The following CRYBG1 variants were observed in gnomAD, a reference collection of about 807,000 sequenced individuals.
The protein encoded by CRYBG1 is beta/gamma crystallin domain-containing protein 1.
CRYBG1 carries 139 observed loss-of-function variants against 189.2 expected under a neutral mutation model. The observed-to-expected ratio is 0.73, with a 90% confidence interval of 0.64 to 0.85. The LOEUF is 0.85. Among genes scored for constraint, CRYBG1 ranks in the 40% least tolerant of loss-of-function variants. CRYBG1 has a pLI of 0.00. For missense variants in CRYBG1, 2,611 were observed against 2,675.8 expected (o/e 0.98, Z 0.53); for synonymous variants, 1,023 against 1,017.1 (o/e 1.01, Z -0.11).
At chr6:106,517,471 CACAT>C (rs1478076574) in intron 3 of CRYBG1, among the ~76,000 whole-genome samples, 12 of 145,140 alleles carry the variant, frequency 8.3e-5, no homozygotes, top group African/African-American at 2.8e-4. Flanking sequence ...TATACACACA[CACAT>C]ATATATATAC....
chr6:106,560,872 T>A lies in CRYBG1; in HGVS notation c.5925T>A (p.Asn1975Lys). 1.2e-6 allele frequency: 2 copies of A among 1,613,040 alleles called. No homozygotes were observed. Among genetic ancestry groups the A allele is most frequent in the East Asian group, 4.5e-5 (2 of 44,794 alleles). ...TATTGTCACCTGCAGAAGTACCTAA[T>A]TGGTATGAATTCAGTGGCTGTCGCC... is the stretch of plus-strand genomic sequence containing the variant. ...QFLLSPAEVP[N>K]WYEFSGCRQI... The change falls in exon 19 of 22, where the codon AAT becomes AAA. Residue 1975 changes from asparagine (N) to lysine (K), a missense_variant. Transcript: ENST00000633556.
At chr6:106,416,548 T>C (rs1170659172) in intron 1 of CRYBG1, among the ~76,000 whole-genome samples, 1 of 152,242 alleles carries the variant, frequency 6.6e-6, no homozygotes, top group African/African-American at 2.4e-5. Context: ...GCACAGATTT[T>C]TCCGATATCT....
At chr6:106,362,391 T>C (rs1361228402) in intron 1 of CRYBG1, among the ~76,000 whole-genome samples, 1 of 152,208 alleles carries the variant, frequency 6.6e-6, no homozygotes, top group Non-Finnish European at 1.5e-5. Context: ...GGAATAATTG[T>C]GTCATCAAAG....
In CRYBG1 at chr6:106,438,166, C is replaced by T. The variant is rs575838625; in HGVS notation, c.174-13528C>T. Among the ~76,000 whole-genome samples the T allele has an allele frequency of 3.3e-5, 5 of 152,330 alleles. No individual in the cohort carries two copies. In the South Asian group the frequency reaches 1.0e-3, roughly 32 times the overall value. The stretch of plus-strand genomic sequence containing the variant: ...CTGGAAGAGACTGGCACATGCCAAG[C>T]CTCATTTAAAAACTACTCTGAAGGC... On this transcript the variant is annotated intron_variant, in intron 1 of 21. Coordinates refer to ENST00000633556, the MANE Select transcript of CRYBG1 (RefSeq NM_001371242.2).
intron 2 of CRYBG1, among the ~76,000 whole-genome samples, chr6:106,497,021 C>G (rs1465358737): frequency 1.3e-5 from 2 of 152,156 alleles, no homozygotes; most frequent in African/African-American, 4.8e-5. Flanking sequence ...GCATCTGAGG[C>G]TCCCGCTGCC....
At chr6:106,403,821 A>C (rs950568451) in intron 1 of CRYBG1, among the ~76,000 whole-genome samples, 8 of 152,222 alleles carry the variant, frequency 5.3e-5, no homozygotes, top group Middle Eastern at 3.2e-3. Context: ...TGCCTAAAAT[A>C]ATTAAAAATA....
At chr6:106,515,209 A>G (rs1464722236) in intron 3 of CRYBG1, among the ~76,000 whole-genome samples, 2 of 152,252 alleles carry the variant, frequency 1.3e-5, no homozygotes, top group Non-Finnish European at 2.9e-5. Flanking sequence ...CTCTTATAAT[A>G]TAACTATGGC....
intron 2 of CRYBG1, among the ~76,000 whole-genome samples, chr6:106,460,181 C>T (rs1233426163): frequency 3.3e-5 from 5 of 151,692 alleles, no homozygotes; most frequent in African/African-American, 9.7e-5. Flanking sequence ...TTAGTAGAGA[C>T]GGGGTTTCAC....
At chr6:106,537,302 T>G (rs1774027709) in intron 8 of CRYBG1, among the ~76,000 whole-genome samples, 1 of 152,140 alleles carries the variant, frequency 6.6e-6, no homozygotes, top group Non-Finnish European at 1.5e-5. Context: ...TTTTGAAAAA[T>G]TAAACCTGTT....
At chr6:106,551,405 A>G (rs1411180862) in intron 13 of CRYBG1, among the ~76,000 whole-genome samples, 1 of 152,232 alleles carries the variant, frequency 6.6e-6, no homozygotes, top group Non-Finnish European at 1.5e-5. Context: ...TTCTCTATCC[A>G]ATCCACCATT....
At chr6:106,495,116 A>C (rs1233133275) in intron 2 of CRYBG1, among the ~76,000 whole-genome samples, 1 of 152,196 alleles carries the variant, frequency 6.6e-6, no homozygotes, top group East Asian at 1.9e-4. Flanking sequence ...AAAAGGGCAC[A>C]CCTCTTTAAC....
chr6:106,511,927 G>C lies in CRYBG1; in HGVS notation c.810G>C (p.Thr270=), dbSNP rs1237628392. Residue 270 remains threonine (T), a synonymous_variant, in exon 3 of 22, where the codon ACG becomes ACC. Transcript: ENST00000633556. ...CCTCCAGGCAAGAGAACGCAGAGAC[G>C]CCCGCCCGCAGTCCGGGGGAGGACG... is the stretch of plus-strand genomic sequence containing the variant. The part of the protein sequence containing the change: ...GNSSRQENAE[T]PARSPGEDAS... The C allele has an allele frequency of 6.6e-7, 1 of 1,525,068 alleles. No homozygotes were observed. The allele number at this position is 1,525,068 out of a possible 1,614,324, so 94.5% of individuals were successfully genotyped here.
At chr6:106,544,341 C>A (rs756059486) in intron 11 of CRYBG1, among the ~76,000 whole-genome samples, 23 of 152,152 alleles carry the variant, frequency 1.5e-4, no homozygotes, top group African/African-American at 4.6e-4. Context: ...ACACCACTCA[C>A]ACACACGCTC....
At chr6:106,484,573 G>T (rs1047196582) in intron 2 of CRYBG1, among the ~76,000 whole-genome samples, 3 of 152,176 alleles carry the variant, frequency 2.0e-5, no homozygotes, top group Non-Finnish European at 2.9e-5. Flanking sequence ...TCCTGCCTTA[G>T]CCTCCCAAAG....
At chr6:106,475,454 T>A (rs1772315326) in intron 2 of CRYBG1, among the ~76,000 whole-genome samples, 1 of 152,170 alleles carries the variant, frequency 6.6e-6, no homozygotes, top group South Asian at 2.1e-4. Flanking sequence ...GGGCTGGGCT[T>A]TGCTGTGTGA....
At chr6:106,459,670 T>C (rs1429963935) in intron 2 of CRYBG1, among the ~76,000 whole-genome samples, 1 of 151,984 alleles carries the variant, frequency 6.6e-6, no homozygotes, top group Non-Finnish European at 1.5e-5. Flanking sequence ...TACTATCACA[T>C]AGTTTACCAC....
At chr6:106,431,023 G>C (rs1771316120) in intron 1 of CRYBG1, among the ~76,000 whole-genome samples, 1 of 151,970 alleles carries the variant, frequency 6.6e-6, no homozygotes, top group Non-Finnish European at 1.5e-5. Flanking sequence ...CACCATGCCT[G>C]GCTAATTTTT....
chr6:106,506,229 G>C (rs1426919456), intron 2 of CRYBG1, among the ~76,000 whole-genome samples: 1 of 152,134 alleles, frequency 6.6e-6, no homozygotes, highest in African/African-American at 2.4e-5. Flanking sequence ...AGGCAGGAGG[G>C]ATGTTACTAA....
intron 1 of CRYBG1, among the ~76,000 whole-genome samples, chr6:106,436,584 C>T (rs545075403): frequency 1.5e-3 from 168 of 110,720 alleles, no homozygotes; most frequent in African/African-American, 7.9e-3. Context: ...TGAGCCAACG[C>T]GCCCGGCCGC....
Sources: allele counts gnomAD v4.1 joint callset (sites outside exome capture counted in the v4.1 genomes callset), GRCh38; gene constraint gnomAD v4.1.1; transcripts MANE v1.5; gene names NCBI Gene and HGNC (gene_info 2026-07-23, HGNC 2026-07-21).